The following ZNF268 variants were observed in gnomAD, a reference collection of about 807,000 sequenced individuals.
ZNF268 encodes the protein zinc finger protein 3.
Under a neutral mutation model 29.3 loss-of-function variants are expected in ZNF268, and 20 were observed. That is an observed-to-expected ratio of 0.68 (90% CI 0.48 to 0.99). The LOEUF (loss-of-function observed/expected upper bound fraction) is 0.99, where lower values mean the gene tolerates loss of function less well. Among genes scored for constraint, ZNF268 ranks in the 50% least tolerant of loss-of-function variants. ZNF268 has a pLI of 0.00. For synonymous variants in ZNF268, 429 were observed against 376.9 expected, an observed-to-expected ratio of 1.14 and a Z score of -1.60; for missense variants, 1,240 against 1,121.6, an observed-to-expected ratio of 1.11 and a Z score of -1.51.
rs1465392657 is a variant in ZNF268, at chr12:133,202,159, TTGA to T, written c.478_480del (p.Asp160del). ...TCATTTCTAGACACAGTCTGGAAAA[TTGA>T]TGATCTTATGGATTGGCATCAGGAA... On this transcript the variant is annotated inframe_deletion, in exon 6 of 6. Transcript: ENST00000536435. 5.1e-6 allele frequency: 8 copies of T among 1,582,722 alleles called. No homozygotes were observed. The highest frequency in any genetic ancestry group is 3.5e-5 in the South Asian group (3 of 86,662).
At chr12:133,201,769 T>C (rs1199833421) in intron 5 of ZNF268, among the ~76,000 whole-genome samples, 6 of 152,138 alleles carry the variant, frequency 3.9e-5, no homozygotes, top group Admixed American at 2.6e-4. Flanking sequence ...ATTTTTTGAA[T>C]AAATCTAATG....
intron 3 of ZNF268, 84 bp from the exon 4 acceptor site, chr12:133,191,405 C>A: frequency 6.6e-7 from 1 of 1,521,284 alleles, no homozygotes; most frequent in South Asian, 1.2e-5. Context: ...CAAAGTTAAA[C>A]ATAAATAATG....
At position 133,214,080 on chromosome 12, in the gene ZNF268, C is replaced by G. The variant is rs990342435; in HGVS notation, c.*9550C>G. 2 of 152,042 alleles carry G rather than the reference C, an allele frequency of 1.3e-5. No individual in the cohort carries two copies. Among genetic ancestry groups the G allele is most frequent in the Admixed American group, 1.3e-4 (2 of 15,274 alleles). 9.4% of individuals were successfully genotyped at this position (152,042 alleles called of 1,614,324 possible). ...ATCCAGAACATATAAAGAACTCTTA[C>G]AACCCAACAACAAAAAGACAACCCA... On this transcript the variant is annotated 3_prime_UTR_variant, in exon 6 of 6. Coordinates refer to ENST00000536435, the MANE Select transcript of ZNF268 (RefSeq NM_003415.3).
rs1413913272 is a variant in ZNF268, at chr12:133,208,830, T to TTG, written c.*4301_*4302dup. 6.6e-6 allele frequency: 1 copy of TTG among 151,982 alleles called. No individual in the cohort carries two copies. Among genetic ancestry groups the TTG allele is most frequent in the Non-Finnish European group, 1.5e-5 (1 of 68,014 alleles). 9.4% of individuals were successfully genotyped at this position (151,982 alleles called of 1,614,324 possible). A position where few individuals can be genotyped will look rare whatever the true frequency, so the allele number is the denominator to read the frequency against. ...CCCAAAATAAACCACAAACAAATGTTTGGAACTGCCAGTAGAGTAGCAAGT... is the reference window on the plus strand; with the variant it reads ...CCCAAAATAAACCACAAACAAATGTTTGTGGAACTGCCAGTAGAGTAGCAAGT... On this transcript the variant is annotated 3_prime_UTR_variant, in exon 6 of 6. Transcript: ENST00000536435.
chr12:133,204,192 T>A lies in ZNF268; in HGVS notation c.2506T>A (p.Tyr836Asn), dbSNP rs1372219691. Reference sequence around the variant, plus strand: ...GCGAACTCATGCAGGGGTCAACCCTTATAAATGCAGTCAATGTGAGAAATC... The same window carrying A: ...GCGAACTCATGCAGGGGTCAACCCTAATAAATGCAGTCAATGTGAGAAATC... ...HERTHAGVNP[Y>N]KCSQCEKSFS... The change falls in exon 6 of 6, where the codon TAT becomes AAT. Residue 836 changes from tyrosine to asparagine, a missense_variant. Around this residue, in one of 3 missense-constraint regions of ZNF268, gnomAD observed 1,177 missense variants for 1,039.6 expected, o/e 1.13. Transcript: ENST00000536435. The A allele has an allele frequency of 6.5e-7, 1 of 1,540,694 alleles. No individual in the cohort carries two copies. The highest frequency in any genetic ancestry group is 1.4e-5 in the African/African-American group (1 of 73,140).
intron 5 of ZNF268, among the ~76,000 whole-genome samples, chr12:133,194,526 C>T (rs1228515676): frequency 6.6e-6 from 1 of 152,152 alleles, no homozygotes. Context: ...TTTCTTCACA[C>T]ACGAGTCTGT....
intron 5 of ZNF268, chr12:133,193,314 T>C: frequency 3.9e-6 from 2 of 507,690 alleles, no homozygotes; most frequent in Non-Finnish European, 7.1e-6. Flanking sequence ...GCCTGGGTGA[T>C]AGTGAGATCT....
intron 5 of ZNF268, among the ~76,000 whole-genome samples, chr12:133,200,029 C>T (rs570472869): frequency 3.3e-5 from 5 of 152,104 alleles, no homozygotes; most frequent in Non-Finnish European, 7.3e-5. Context: ...CTATTTCCTT[C>T]AGTTCTCCTC....
chr12:133,193,402 A>G (rs1956520444), intron 5 of ZNF268: 1 of 635,038 alleles, frequency 1.6e-6, no homozygotes, highest in South Asian at 1.9e-5. Context: ...GTAATTTTAT[A>G]AAGCACAGAA....
At chr12:133,193,911 T>C (rs901608939) in intron 5 of ZNF268, among the ~76,000 whole-genome samples, 1 of 152,222 alleles carries the variant, frequency 6.6e-6, no homozygotes, top group African/African-American at 2.4e-5. Flanking sequence ...TTTCTTCTCT[T>C]TGTTTATCCT....
chr12:133,183,854 C>G (rs1956237916), intron 2 of ZNF268, among the ~76,000 whole-genome samples: 1 of 151,904 alleles, frequency 6.6e-6, no homozygotes, highest in Admixed American at 6.6e-5. Context: ...AGATGGAACC[C>G]AAGAAAAGTA....
rs1202862438 is a variant in ZNF268, at chr12:133,209,954, G to A, written c.*5424G>A. On this transcript the variant is annotated 3_prime_UTR_variant, in exon 6 of 6. Coordinates refer to ENST00000536435, the MANE Select transcript of ZNF268 (RefSeq NM_003415.3). ...TGTCGCAGTGTTTCTCCCTTTTTTT[G>A]TACTGGGATTTCTCCCCAGAAACAA... 2 of 152,120 alleles carry A rather than the reference G, an allele frequency of 1.3e-5. No homozygotes were observed. The highest frequency in any genetic ancestry group is 2.9e-5 in the Non-Finnish European group (2 of 68,012). The allele number at this position is 152,120 out of a possible 1,614,324, so 9.4% of individuals were successfully genotyped here.
rs985200902 is a variant in ZNF268 at position 133,206,439 on chromosome 12, T to A, written c.*1909T>A. 3 of 152,196 alleles carry A rather than the reference T, an allele frequency of 2.0e-5. No homozygotes were observed. The highest frequency in any genetic ancestry group is 2.9e-5 in the Non-Finnish European group (2 of 68,034). The allele number at this position is 152,196 out of a possible 1,614,324, so 9.4% of individuals were successfully genotyped here. ...AAGATTATGTGTCAGTGATACTACT[T>A]AGTTACATGTAGCTATAGAGTCACA... On this transcript the variant is annotated 3_prime_UTR_variant, in exon 6 of 6. Transcript: ENST00000536435.
intron 5 of ZNF268, among the ~76,000 whole-genome samples, chr12:133,197,851 TG>T (rs1956649805): frequency 6.6e-6 from 1 of 152,204 alleles, no homozygotes. Flanking sequence ...GAGAAGTGTC[TG>T]TTCATATCCT....
Position 133,212,446 on chromosome 12 carries a change from TA to T in ZNF268, c.*7917del, listed in dbSNP as rs1415323957. On this transcript the variant is annotated 3_prime_UTR_variant, in exon 6 of 6. Coordinates refer to ENST00000536435, the MANE Select transcript of ZNF268 (RefSeq NM_003415.3). ...CAAGGGAGACTTTCATGTGTGATTT[TA>T]TATATATATATATATATATATATAT... 1.3e-3 allele frequency: 2 copies of T among 1,518 alleles called. No homozygotes were observed. Among genetic ancestry groups the T allele is most frequent in the Non-Finnish European group, 2.1e-3 (2 of 952 alleles). 0.1% of individuals were successfully genotyped at this position (1,518 alleles called of 1,614,324 possible). A position where few individuals can be genotyped will look rare whatever the true frequency, so the allele number is the denominator to read the frequency against.
rs920417885 is a variant in ZNF268 at position 133,210,064 on chromosome 12, C to G, written c.*5534C>G. 2.0e-5 allele frequency: 3 copies of G among 152,182 alleles called. No individual in the cohort carries two copies. Among genetic ancestry groups the G allele is most frequent in the African/African-American group, 7.2e-5 (3 of 41,452 alleles). The allele number at this position is 152,182 out of a possible 1,614,324, so 9.4% of individuals were successfully genotyped here. On this transcript the variant is annotated 3_prime_UTR_variant, in exon 6 of 6. Transcript: ENST00000536435. ...AGAGGTACGATTTCCTAAAATAAAT[C>G]TTGTTCAGATATTACAGGGCAAAGT... is the stretch of plus-strand genomic sequence containing the variant.
At chr12:133,197,366 C>G (rs2135510510) in intron 5 of ZNF268, among the ~76,000 whole-genome samples, 1 of 151,102 alleles carries the variant, frequency 6.6e-6, no homozygotes, top group Non-Finnish European at 1.5e-5. Flanking sequence ...AGGACATGAA[C>G]TCATCATTTT....
chr12:133,193,654 A>G lies in ZNF268; in HGVS notation c.457+1651A>G, dbSNP rs76955984. The G allele has an allele frequency of 1.7e-3, 759 of 443,626 alleles. 8 individuals carry two copies. The highest frequency in any genetic ancestry group is 0.014 in the African/African-American group (709 of 50,276). 27.5% of individuals were successfully genotyped at this position (443,626 alleles called of 1,614,324 possible). On this transcript the variant is annotated intron_variant, in intron 5 of 5. Coordinates refer to ENST00000536435, the MANE Select transcript of ZNF268 (RefSeq NM_003415.3). ...AACTTAATCTTCTCTTAATACCACC[A>G]CAATGGGGAGTAAGTTTCAACATGA...
intron 2 of ZNF268, among the ~76,000 whole-genome samples, chr12:133,187,362 T>G (rs1291672692): frequency 1.3e-5 from 2 of 152,136 alleles, no homozygotes; most frequent in Non-Finnish European, 2.9e-5. Context: ...TAGGCTCTTT[T>G]ATTTTTTATA....
Sources: gnomAD v4.1 joint callset for allele counts (sites outside exome capture counted in the v4.1 genomes callset) on GRCh38, gnomAD v4.1.1 for gene constraint, gnomAD v4.1.1 regional missense constraint, MANE v1.5 for transcripts, NCBI Gene and HGNC (gene_info 2026-07-23, HGNC 2026-07-21) for gene names.